The following CHL1 variants were observed in gnomAD, a reference collection of about 807,000 sequenced individuals.
The protein encoded by CHL1 is neural cell adhesion molecule L1-like protein.
In CHL1, 96 loss-of-function variants were observed where a neutral mutation model predicts 141.9. That is an observed-to-expected ratio of 0.68 (90% CI 0.57 to 0.80). The LOEUF (loss-of-function observed/expected upper bound fraction) is 0.80, where lower values mean the gene tolerates loss of function less well. CHL1 is among the 30% of genes least tolerant of loss of function. The pLI is 0.00. For synonymous variants in CHL1, 613 were observed against 502.2 expected (o/e 1.22, Z -2.95); for missense variants, 1,820 against 1,457.2 (o/e 1.25, Z -4.05).
intron 2 of CHL1, among the ~76,000 whole-genome samples, chr3:291,154 T>C (rs1300393657): frequency 3.3e-5 from 5 of 151,944 alleles, no homozygotes; most frequent in Non-Finnish European, 4.4e-5. Flanking sequence ...TGAACTAGTA[T>C]CTCTTGTAAT....
intron 1 of CHL1, among the ~76,000 whole-genome samples, chr3:231,257 C>A (rs1362267768): frequency 1.3e-5 from 2 of 152,018 alleles, no homozygotes; most frequent in African/African-American, 4.8e-5. Flanking sequence ...AAATAATTAC[C>A]TTGGTGATTT....
chr3:296,013 A>T (rs985288694), intron 2 of CHL1, among the ~76,000 whole-genome samples: 1 of 151,830 alleles, frequency 6.6e-6, no homozygotes, highest in Admixed American at 6.6e-5. Context: ...AAAAAAAAAT[A>T]CTCCTGTAAT....
At chr3:221,773 T>C (rs1700861953) in intron 1 of CHL1, among the ~76,000 whole-genome samples, 1 of 152,364 alleles carries the variant, frequency 6.6e-6, no homozygotes, top group African/African-American at 2.4e-5. Context: ...ATTAATTTAG[T>C]ATTAAGTTAA....
At chr3:236,904 G>A (rs1489564245) in intron 1 of CHL1, among the ~76,000 whole-genome samples, 1 of 148,878 alleles carries the variant, frequency 6.7e-6, no homozygotes, top group African/African-American at 2.5e-5. Flanking sequence ...AAAAAACCTT[G>A]TAAATAGCAT....
chr3:283,442 C>T (rs1262660624), intron 2 of CHL1, among the ~76,000 whole-genome samples: 1 of 152,140 alleles, frequency 6.6e-6, no homozygotes, highest in Non-Finnish European at 1.5e-5. Flanking sequence ...TATTTATGTA[C>T]ACATGTATCT....
chr3:229,424 G>C lies in CHL1; in HGVS notation c.-174-15189G>C, dbSNP rs141162781. On this transcript the variant is annotated intron_variant, in intron 1 of 27. Coordinates refer to ENST00000256509, the MANE Select transcript of CHL1 (RefSeq NM_006614.4). ...AAATACAGACACAAATTCAGTTGCA[G>C]CCACTCCAGGTATGCGAAGTGAATA... Among the ~76,000 whole-genome samples the C allele has an allele frequency of 1.8e-3, 267 of 152,206 alleles. 2 individuals are homozygous for C. Among genetic ancestry groups the C allele is most frequent in the African/African-American group, 6.0e-3 (251 of 41,532 alleles).
chr3:330,845 G>C (rs572629874), intron 5 of CHL1, among the ~76,000 whole-genome samples: 2 of 152,270 alleles, frequency 1.3e-5, no homozygotes, highest in South Asian at 4.1e-4. Flanking sequence ...CAGGAATTAA[G>C]CCATTATGGT....
intron 20 of CHL1, 35 bp from the exon 21 acceptor site, chr3:390,666 T>C: frequency 8.4e-7 from 1 of 1,195,136 alleles, no homozygotes; most frequent in Non-Finnish European, 1.2e-6. Flanking sequence ...CATTTGCAGG[T>C]TATTGAAAAC....
chr3:278,092 T>G (rs1456612452), intron 2 of CHL1, among the ~76,000 whole-genome samples: 1 of 152,212 alleles, frequency 6.6e-6, no homozygotes, highest in Non-Finnish European at 1.5e-5. Flanking sequence ...TTGTTCCAGT[T>G]CAAGAAGGAA....
chr3:229,771 CAA>C (rs1701695019), intron 1 of CHL1, among the ~76,000 whole-genome samples: 1 of 152,082 alleles, frequency 6.6e-6, no homozygotes, highest in Non-Finnish European at 1.5e-5. Flanking sequence ...CAAAACAAAA[CAA>C]AATGTTGACT....
chr3:352,440 G>A (rs1703351270), intron 10 of CHL1, among the ~76,000 whole-genome samples: 1 of 152,054 alleles, frequency 6.6e-6, no homozygotes, highest in Non-Finnish European at 1.5e-5. Flanking sequence ...ATTTGCATCT[G>A]TTTCCAGCAA....
rs190981484 is a variant in CHL1, at chr3:279,275, T to C, written c.-95+34583T>C. Among the ~76,000 whole-genome samples the C allele has an allele frequency of 1.1e-3, 175 of 152,240 alleles. 1 individual carries two copies. Among genetic ancestry groups the C allele is most frequent in the African/African-American group, 3.7e-3 (154 of 41,574 alleles). On this transcript the variant is annotated intron_variant, in intron 2 of 27. Coordinates refer to ENST00000256509, the MANE Select transcript of CHL1 (RefSeq NM_006614.4). ...AAGTATCCGGTTTCTTGCATCATTT[T>C]TCTTTTCTTTTCTTTTCTATTTTGG... is the stretch of plus-strand genomic sequence containing the variant.
At chr3:360,481 G>C in intron 12 of CHL1, 57 bp downstream of exon 12, 11 of 1,568,896 alleles carry the variant, frequency 7.0e-6, no homozygotes, top group Non-Finnish European at 7.0e-6. Context: ...AGTGGTCAAG[G>C]TCATGTTCAG....
intron 2 of CHL1, among the ~76,000 whole-genome samples, chr3:298,186 A>G (rs965848708): frequency 6.6e-6 from 1 of 152,252 alleles, no homozygotes; most frequent in Non-Finnish European, 1.5e-5. Context: ...ATAAATAGGC[A>G]TAAAAAATGT....
In CHL1 at chr3:239,882, A is replaced by C. The variant is rs1692384610; in HGVS notation, c.-174-4731A>C. Among the ~76,000 whole-genome samples, 5 of 152,098 alleles carry C rather than the reference A, an allele frequency of 3.3e-5. No homozygotes were observed. The South Asian group carries it at 1.0e-3, about 32-fold the overall frequency. ...ATTCCTCAGTTACTTCACTTAGAAT[A>C]ATCGTCTCCAGCTCCATCCAGGGTG... On this transcript the variant is annotated intron_variant, in intron 1 of 27. Coordinates refer to ENST00000256509, the MANE Select transcript of CHL1 (RefSeq NM_006614.4).
intron 6 of CHL1, 58 bp from the exon 7 acceptor site, chr3:341,854 A>T: frequency 7.6e-7 from 1 of 1,317,252 alleles, no homozygotes; most frequent in Non-Finnish European, 1.0e-6. Context: ...ATGAAAAAGG[A>T]AGATGAAGCA....
chr3:267,284 C>T (rs1458899229), intron 2 of CHL1, among the ~76,000 whole-genome samples: 1 of 152,186 alleles, frequency 6.6e-6, no homozygotes, highest in Non-Finnish European at 1.5e-5. Context: ...CATCATTTCC[C>T]TGGTGACCTG....
At chr3:338,320 C>A (rs2060310) in intron 5 of CHL1, among the ~76,000 whole-genome samples, 92,760 of 151,982 alleles carry the variant, frequency 0.61, 29,426 homozygotes, top group Non-Finnish European at 0.7. Context: ...CCTCATTTAC[C>A]GAAAAAAATA....
Position 405,477 on chromosome 3 carries a change from TG to T in CHL1, c.3459-17del, listed in dbSNP as rs1451560244. ...ATATTAGATTTTGTTGAGCTATTTT[TG>T]TTTGTTTGTTTTCTAGTGACAGTGA... On this transcript the variant is annotated splice_polypyrimidine_tract_variant and intron_variant, in intron 27 of 27. Transcript: ENST00000256509. The T allele has an allele frequency of 4.6e-6, 7 of 1,520,986 alleles. No homozygotes were observed. The highest frequency in any genetic ancestry group is 6.4e-6 in the Non-Finnish European group (7 of 1,097,176). The allele number at this position is 1,520,986 out of a possible 1,614,324, so 94.2% of individuals were successfully genotyped here. A position where few individuals can be genotyped will look rare whatever the true frequency, so the allele number is the denominator to read the frequency against.
Sources: allele counts gnomAD v4.1 joint callset (sites outside exome capture counted in the v4.1 genomes callset), GRCh38; gene constraint gnomAD v4.1.1; transcripts MANE v1.5; gene names NCBI Gene and HGNC (gene_info 2026-07-23, HGNC 2026-07-21).